GLP2R: variants seen among roughly 807,000 people sequenced by gnomAD.
The protein encoded by GLP2R is glucagon-like peptide 2 receptor.
Under a neutral mutation model 68.2 loss-of-function variants are expected in GLP2R, and 59 were observed. The ratio of observed to expected loss-of-function variants is 0.87; its 90% CI spans 0.70 to 1.07. GLP2R has a LOEUF of 1.07. GLP2R is among the 50% of genes least tolerant of loss of function. GLP2R has a pLI of 0.00. For synonymous variants in GLP2R, 270 were observed against 265.4 expected, an observed-to-expected ratio of 1.02 and a Z score of -0.17; for missense variants, 548 against 677.4, an observed-to-expected ratio of 0.81 and a Z score of 2.12.
At chr17:9,842,039 G>A (rs923509012) in intron 3 of GLP2R, among the ~76,000 whole-genome samples, 1 of 152,212 alleles carries the variant, frequency 6.6e-6, no homozygotes, top group Non-Finnish European at 1.5e-5. Context: ...GGAAGGCTTA[G>A]AGGTTAGGAG....
At chr17:9,858,805 AG>A (rs1459208153) in intron 6 of GLP2R, among the ~76,000 whole-genome samples, 2 of 152,166 alleles carry the variant, frequency 1.3e-5, no homozygotes, top group Admixed American at 1.3e-4. Flanking sequence ...TGGATCTGTA[AG>A]AGTGTTCTCA....
chr17:9,861,337 G>A (rs2066985829), intron 8 of GLP2R, 138 bp downstream of exon 8: 1 of 636,866 alleles, frequency 1.6e-6, no homozygotes, highest in Admixed American at 2.7e-5. Flanking sequence ...CTTAGGAATG[G>A]GAGATAAAAT....
chr17:9,845,266 T>C (rs755250438), intron 4 of GLP2R, among the ~76,000 whole-genome samples: 2 of 152,188 alleles, frequency 1.3e-5, no homozygotes, highest in Non-Finnish European at 1.5e-5. Flanking sequence ...CCAGGCTGAA[T>C]TGTGGCTTTA....
chr17:9,856,173 A>C (rs4791893), intron 5 of GLP2R, among the ~76,000 whole-genome samples: 65,713 of 151,972 alleles, frequency 0.43, 16,049 homozygotes, highest in African/African-American at 0.67. Context: ...CAACTTGTAC[A>C]CACTGATTAT....
At chr17:9,857,143 A>G (rs975657314) in intron 5 of GLP2R, among the ~76,000 whole-genome samples, 2 of 152,032 alleles carry the variant, frequency 1.3e-5, no homozygotes, top group African/African-American at 4.8e-5. Context: ...GGTGGTCTCG[A>G]TCTCCTGACG....
At chr17:9,872,075 G>A (rs561128451) in intron 10 of GLP2R, among the ~76,000 whole-genome samples, 123 of 152,302 alleles carry the variant, frequency 8.1e-4, no homozygotes, top group African/African-American at 2.8e-3. Context: ...TGGAACGGGA[G>A]TGTTTTAACC....
At chr17:9,851,787 TA>T (rs1183642059) in intron 4 of GLP2R, among the ~76,000 whole-genome samples, 9 of 152,278 alleles carry the variant, frequency 5.9e-5, no homozygotes, top group East Asian at 1.9e-4. Context: ...TTATCTCATT[TA>T]AAAAATGTTC....
In GLP2R at chr17:9,892,037, A is replaced by G. The variant is rs1456046961; in HGVS notation, c.*2332A>G. The G allele has an allele frequency of 6.6e-6, 1 of 152,180 alleles. No individual in the cohort carries two copies. Among genetic ancestry groups the G allele is most frequent in the Non-Finnish European group, 1.5e-5 (1 of 68,032 alleles). The allele number at this position is 152,180 out of a possible 1,614,324, so 9.4% of individuals were successfully genotyped here. ...ACTCCCTCCACCCCTCACTCCACAAATGGGGTGATCAACACTTACTGCTTG... is the reference window on the plus strand; with the variant it reads ...ACTCCCTCCACCCCTCACTCCACAAGTGGGGTGATCAACACTTACTGCTTG... On this transcript the variant is annotated 3_prime_UTR_variant, in exon 13 of 13. Coordinates refer to ENST00000262441, the MANE Select transcript of GLP2R (RefSeq NM_004246.3).
chr17:9,852,659 T>C, intron 4 of GLP2R: 1 of 185,446 alleles, frequency 5.4e-6, no homozygotes, highest in Non-Finnish European at 1.1e-5. Flanking sequence ...AAACCCAAAC[T>C]TGGTTATTTA....
intron 9 of GLP2R, among the ~76,000 whole-genome samples, chr17:9,869,511 C>G (rs1426504451): frequency 6.6e-6 from 1 of 152,246 alleles, no homozygotes; most frequent in Non-Finnish European, 1.5e-5. Context: ...CTCTTGATCT[C>G]TCCCGAGGCT....
chr17:9,888,102 A>C (rs1364840353), intron 12 of GLP2R, 129 bp downstream of exon 12: 1 of 786,188 alleles, frequency 1.3e-6, no homozygotes, highest in African/African-American at 1.7e-5. Context: ...TGTGGGGACA[A>C]ATTTGTATTG....
chr17:9,827,496 T>C (rs546851217), intron 1 of GLP2R, among the ~76,000 whole-genome samples: 1 of 152,320 alleles, frequency 6.6e-6, no homozygotes, highest in Admixed American at 6.5e-5. Flanking sequence ...TATTGTAATG[T>C]CTTTAACTAT....
At chr17:9,850,992 G>C (rs554118751) in intron 4 of GLP2R, among the ~76,000 whole-genome samples, 1 of 152,082 alleles carries the variant, frequency 6.6e-6, no homozygotes, top group Non-Finnish European at 1.5e-5. Flanking sequence ...ACCATGCCCA[G>C]CTGATTTTTT....
At chr17:9,871,015 G>A (rs1427595423) in intron 10 of GLP2R, among the ~76,000 whole-genome samples, 180 bp downstream of exon 10, 8 of 152,104 alleles carry the variant, frequency 5.3e-5, no homozygotes, top group Admixed American at 2.0e-4. Context: ...CTTCTATGAC[G>A]ATGAAGCAAA....
intron 4 of GLP2R, 137 bp downstream of exon 4, chr17:9,842,753 T>A: frequency 1.1e-6 from 1 of 902,586 alleles, no homozygotes; most frequent in Non-Finnish European, 1.7e-6. Context: ...CTAAGGAAGG[T>A]CCCGCAAAGC....
chr17:9,880,885 C>T (rs752302304), intron 11 of GLP2R, among the ~76,000 whole-genome samples: 1 of 152,108 alleles, frequency 6.6e-6, no homozygotes, highest in Non-Finnish European at 1.5e-5. Context: ...GTGACATGTA[C>T]ACAGAATGCA....
chr17:9,833,231 T>A (rs1597375550), intron 1 of GLP2R, among the ~76,000 whole-genome samples: 2 of 150,502 alleles, frequency 1.3e-5, no homozygotes, highest in Admixed American at 1.3e-4. Context: ...ACCATTGCAC[T>A]CCAGCCTGGT....
intron 5 of GLP2R, among the ~76,000 whole-genome samples, chr17:9,855,371 C>T (rs1238468120): frequency 6.6e-6 from 1 of 152,204 alleles, no homozygotes; most frequent in African/African-American, 2.4e-5. Flanking sequence ...AATTTGAACC[C>T]AAGACTCCTG....
At chr17:9,841,418 G>C (rs77918934) in intron 3 of GLP2R, among the ~76,000 whole-genome samples, 150 of 152,254 alleles carry the variant, frequency 9.9e-4, no homozygotes, top group Non-Finnish European at 1.7e-3. Context: ...CCATCTCCCG[G>C]TGGGAGGTGA....
Sources: gnomAD v4.1 joint callset for allele counts (sites outside exome capture counted in the v4.1 genomes callset) on GRCh38, gnomAD v4.1.1 for gene constraint, MANE v1.5 for transcripts, NCBI Gene and HGNC (gene_info 2026-07-23, HGNC 2026-07-21) for gene names.